EXOSC4: variants seen among roughly 807,000 people sequenced by gnomAD.
EXOSC4 encodes exosome component 4.
EXOSC4 carries 14 observed loss-of-function variants against 20.0 expected under a neutral mutation model. The ratio of observed to expected loss-of-function variants is 0.70; its 90% CI spans 0.46 to 1.09. The LOEUF is 1.09. EXOSC4 is among the 50% of genes least tolerant of loss of function. EXOSC4 has a pLI of 0.00. For missense variants in EXOSC4, 337 were observed against 334.0 expected (o/e 1.01, Z -0.07); for synonymous variants, 148 against 146.4 (o/e 1.01, Z -0.08).
At chr8:144,077,304 C>T (rs1398709131), upstream of EXOSC4, among the ~76,000 whole-genome samples, 1 of 152,070 alleles carries the variant, frequency 6.6e-6, no homozygotes, top group Non-Finnish European at 1.5e-5. Context: ...AGAACAGGGA[C>T]AGTAAGAGCT....
At chr8:144,079,434 T>G in intron 1 of EXOSC4, 1 of 302,322 alleles carries the variant, frequency 3.3e-6, no homozygotes, top group Non-Finnish European at 6.5e-6. Context: ...GCTTAGCGCA[T>G]GAGTGTGGGA....
At chr8:144,068,307 C>A in the EXOSC4 span, among the ~76,000 whole-genome samples, 1 of 152,216 alleles carries the variant, frequency 6.6e-6, no homozygotes, top group Non-Finnish European at 1.5e-5. Context: ...CTGGAGGCTA[C>A]GCTTCCCTGC....
At chr8:144,066,078 G>A in the EXOSC4 span, among the ~76,000 whole-genome samples, 13 of 149,596 alleles carry the variant, frequency 8.7e-5, no homozygotes, top group East Asian at 2.0e-4. Flanking sequence ...GTGCAGTGGC[G>A]TGATCTCAGC....
At position 144,080,388 on chromosome 8, in the gene EXOSC4, T is replaced by C. The variant is rs1835888201; in HGVS notation, c.525T>C (p.His175=). The C allele has an allele frequency of 1.2e-6, 2 of 1,611,848 alleles. No individual in the cohort carries two copies. The highest frequency in any genetic ancestry group is 1.7e-5 in the Admixed American group (1 of 59,988). Residue 175 remains histidine (H), a synonymous_variant, in exon 3 of 3, where the codon CAT becomes CAC. Transcript: ENST00000316052. This position sits in a 1 kb window ranked among gnomAD's most constrained non-coding sequence, Gnocchi z 4.9. ...GCACAGCCCTGGCGGACCTCAGCCA[T>C]GTGGAGGAAGCAGCTGGTGGCCCCC... ...VDGTALADLS[H]VEEAAGGPQL...
At chr8:144,075,114 G>C (rs1311702025), upstream of EXOSC4, among the ~76,000 whole-genome samples, 1 of 152,190 alleles carries the variant, frequency 6.6e-6, no homozygotes, top group Non-Finnish European at 1.5e-5. Context: ...CCAGGCTGGA[G>C]TGCAGTGGTG....
At chr8:144,075,461 C>T (rs1472325749), upstream of EXOSC4, among the ~76,000 whole-genome samples, 6 of 152,118 alleles carry the variant, frequency 3.9e-5, no homozygotes, top group African/African-American at 9.7e-5. Flanking sequence ...CTCCTGACCT[C>T]GTGATCTGCC....
upstream of EXOSC4, among the ~76,000 whole-genome samples, chr8:144,076,572 C>G (rs1008053481): frequency 2.6e-5 from 4 of 152,110 alleles, no homozygotes; most frequent in Non-Finnish European, 2.9e-5. Flanking sequence ...AGGTTGGAGG[C>G]CTGGTTCCTG....
Position 144,078,882 on chromosome 8 carries a change from G to T in EXOSC4, c.154G>T (p.Val52Phe). 1 of 1,504,406 alleles carries T rather than the reference G, an allele frequency of 6.6e-7. No individual in the cohort carries two copies. The highest frequency in any genetic ancestry group is 1.3e-5 in the South Asian group (1 of 78,978). The allele number at this position is 1,504,406 out of a possible 1,614,324, so 93.2% of individuals were successfully genotyped here. Residue 52 changes from valine (V) to phenylalanine (F), a missense_variant, in exon 1 of 3, where the codon GTC becomes TTC. Coordinates refer to ENST00000316052, the MANE Select transcript of EXOSC4 (RefSeq NM_019037.3). This position sits in a 1 kb window ranked among gnomAD's most constrained non-coding sequence, Gnocchi z 4.7. ...GGGCAACACCAAGGCACTGGCTGTG[G>T]TCTACGGCCCGCACGAGGCGAGTGG... is the stretch of plus-strand genomic sequence containing the variant. ...EQGNTKALAVVYGPHEIRGSR... is the reference protein window; with the variant it reads ...EQGNTKALAVFYGPHEIRGSR...
the EXOSC4 span, among the ~76,000 whole-genome samples, chr8:144,071,283 T>C: frequency 5.6e-5 from 2 of 36,028 alleles, no homozygotes; most frequent in African/African-American, 1.3e-4. Flanking sequence ...TCCCCTCCCC[T>C]CCTCCGCTCC....
upstream of EXOSC4, among the ~76,000 whole-genome samples, chr8:144,076,159 C>A (rs944692160): frequency 1.6e-4 from 25 of 152,264 alleles, 1 homozygote; most frequent in Non-Finnish European, 4.4e-5. Flanking sequence ...CCATAAAACC[C>A]CAGGGCGCTG....
In EXOSC4 at chr8:144,078,792, C is replaced by A; in HGVS notation, c.64C>A (p.Leu22Met). The change falls in exon 1 of 3, where the codon CTG becomes ATG. Residue 22 changes from leucine (L) to methionine (M), a missense_variant. By Grantham distance (15) the Leu-to-Met change is conservative. Coordinates refer to ENST00000316052, the MANE Select transcript of EXOSC4 (RefSeq NM_019037.3). This position sits in a 1 kb window ranked among gnomAD's most constrained non-coding sequence, Gnocchi z 4.7. Reference sequence around the variant, plus strand: ...GGTGGACGGGCGGCGCGCCGGGGAGCTGCGCAAGATCCAGGCGCGGATGGG... The same window carrying A: ...GGTGGACGGGCGGCGCGCCGGGGAGATGCGCAAGATCCAGGCGCGGATGGG... ...YRVDGRRAGE[L>M]RKIQARMGVF... 1 of 1,559,646 alleles carries A rather than the reference C, an allele frequency of 6.4e-7. No homozygotes were observed. The highest frequency in any genetic ancestry group is 1.2e-5 in the South Asian group (1 of 84,712).
At chr8:144,069,717 G>A in the EXOSC4 span, among the ~76,000 whole-genome samples, 3 of 152,212 alleles carry the variant, frequency 2.0e-5, no homozygotes, top group Non-Finnish European at 2.9e-5. Flanking sequence ...TAGCCACCAC[G>A]CTTGCTGAAT....
At chr8:144,079,204 G>C (rs1835870442) in intron 1 of EXOSC4, 1 of 312,420 alleles carries the variant, frequency 3.2e-6, no homozygotes, top group Non-Finnish European at 5.9e-6. Flanking sequence ...CTTCCCAGAC[G>C]ACCTTATTAT....
At chr8:144,066,511 G>A in the EXOSC4 span, among the ~76,000 whole-genome samples, 16 of 138,912 alleles carry the variant, frequency 1.2e-4, no homozygotes, top group African/African-American at 3.5e-4. Context: ...GCACCATCTC[G>A]GCTCACTGCA....
chr8:144,074,978 C>T (rs569278624), upstream of EXOSC4, among the ~76,000 whole-genome samples: 74 of 152,294 alleles, frequency 4.9e-4, 2 homozygotes, highest in South Asian at 7.5e-3. Context: ...GGAGCTTTTA[C>T]CTGAAAGCAA....
At chr8:144,069,576 C>T in the EXOSC4 span, among the ~76,000 whole-genome samples, 1 of 152,366 alleles carries the variant, frequency 6.6e-6, no homozygotes, top group South Asian at 2.1e-4. Context: ...TCAGGGCCCA[C>T]TGGGTCACCC....
the EXOSC4 span, among the ~76,000 whole-genome samples, chr8:144,067,834 C>T: frequency 1.8e-4 from 27 of 152,132 alleles, no homozygotes; most frequent in African/African-American, 6.0e-4. Flanking sequence ...ATGGTGAAAC[C>T]CCATCTCTAC....
chr8:144,075,414 G>C (rs1202151327), upstream of EXOSC4, among the ~76,000 whole-genome samples: 2 of 152,146 alleles, frequency 1.3e-5, no homozygotes, highest in Non-Finnish European at 2.9e-5. Context: ...TTTTAGTAGA[G>C]TCAGGGTTTC....
At chr8:144,070,174 C>T in the EXOSC4 span, among the ~76,000 whole-genome samples, 2 of 152,142 alleles carry the variant, frequency 1.3e-5, no homozygotes, top group East Asian at 1.9e-4. Flanking sequence ...AAAAAAACTG[C>T]AGCTGTTGAG....
Sources: gnomAD v4.1 joint callset for allele counts (sites outside exome capture counted in the v4.1 genomes callset) on GRCh38, gnomAD v4.1.1 for gene constraint, Gnocchi (gnomAD v3.1) non-coding constraint, MANE v1.5 for transcripts, NCBI Gene and HGNC (gene_info 2026-07-23, HGNC 2026-07-21) for gene names.